SPOCK3: variants seen among roughly 807,000 people sequenced by gnomAD.
The protein encoded by SPOCK3 is SPARC (osteonectin), cwcv and kazal like domains proteoglycan 3, also known as testican-3.
Under a neutral mutation model 56.6 loss-of-function variants are expected in SPOCK3, and 30 were observed. The observed-to-expected ratio is 0.53, with a 90% CI of 0.40 to 0.72. SPOCK3 has a LOEUF of 0.72. Among genes scored for constraint, SPOCK3 ranks in the 30% least tolerant of loss-of-function variants. SPOCK3 has a pLI of 0.00. For missense variants in SPOCK3, 527 were observed against 530.0 expected (o/e 0.99, Z 0.06); for synonymous variants, 196 against 183.3 (o/e 1.07, Z -0.56).
chr4:166,922,538 C>A (rs1048635281), intron 4 of SPOCK3, among the ~76,000 whole-genome samples: 1 of 152,146 alleles, frequency 6.6e-6, no homozygotes. Context: ...TATACTCACA[C>A]TCCCCTAATT....
intron 3 of SPOCK3, among the ~76,000 whole-genome samples, chr4:167,058,591 A>G (rs1755187352): frequency 6.6e-6 from 1 of 152,182 alleles, no homozygotes; most frequent in Admixed American, 6.5e-5. Flanking sequence ...TAATTTATAG[A>G]TTCAATGCCA....
intron 4 of SPOCK3, among the ~76,000 whole-genome samples, chr4:166,980,253 T>C (rs1452963926): frequency 6.6e-6 from 1 of 152,258 alleles, no homozygotes; most frequent in African/African-American, 2.4e-5. Flanking sequence ...TATTCATTAA[T>C]GTATCTGGCA....
At chr4:166,840,804 A>G (rs1438090848) in intron 6 of SPOCK3, among the ~76,000 whole-genome samples, 5 of 82,964 alleles carry the variant, frequency 6.0e-5, no homozygotes, top group African/African-American at 2.5e-4. Flanking sequence ...TTTTAGATGC[A>G]GTCTCGCTCT....
chr4:166,945,205 C>T (rs983917006), intron 4 of SPOCK3, among the ~76,000 whole-genome samples: 13 of 152,036 alleles, frequency 8.6e-5, no homozygotes, highest in Admixed American at 6.6e-4. Flanking sequence ...ACCTATGAAC[C>T]AGGTATACTC....
chr4:167,028,928 C>T lies in SPOCK3; in HGVS notation c.236-28465G>A, dbSNP rs142300682. The stretch of plus-strand genomic sequence containing the variant: ...TCTTAGCAATCTTTTTTCTTCAATG[C>T]TTATTTTAAGTTCTGGGGTACATGT... On this transcript the variant is annotated intron_variant, in intron 3 of 10. Transcript: ENST00000357545. Among the ~76,000 whole-genome samples, 43 of 152,038 alleles carry T rather than the reference C, an allele frequency of 2.8e-4. 1 individual carries two copies. The highest frequency in any genetic ancestry group is 8.9e-4 in the African/African-American group (37 of 41,504).
At chr4:167,174,119 G>T (rs972800810) in intron 2 of SPOCK3, among the ~76,000 whole-genome samples, 1 of 151,876 alleles carries the variant, frequency 6.6e-6, no homozygotes, top group Non-Finnish European at 1.5e-5. Context: ...ATTTATGCAA[G>T]AACACATGGA....
chr4:166,889,194 T>A lies in SPOCK3; in HGVS notation c.525A>T (p.Lys175Asn). The A allele has an allele frequency of 1.2e-6, 2 of 1,612,264 alleles. No homozygotes were observed. The highest frequency in any genetic ancestry group is 1.7e-6 in the Non-Finnish European group (2 of 1,178,796). Residue 175 changes from lysine to asparagine, a missense_variant, in exon 6 of 11, where the codon AAA becomes AAT. Transcript: ENST00000357545. ...ACVLGKQISV[K>N]CEGHCPCPSD... ...AAGGACATGGGCAATGTCCTTCACA[T>A]TTGACTGAGATCTGTTTTCCTAAGA...
At chr4:167,112,654 G>A (rs145161626) in intron 2 of SPOCK3, among the ~76,000 whole-genome samples, 255 of 152,008 alleles carry the variant, frequency 1.7e-3, no homozygotes, top group Non-Finnish European at 3.1e-3. Context: ...GTTCCATTAT[G>A]GACCTGGTTT....
rs368885628 is a variant in SPOCK3, at chr4:166,977,704, T to C, written c.350+22645A>G. On this transcript the variant is annotated intron_variant, in intron 4 of 10. Transcript: ENST00000357545. ...GAATGAGCATTCTAGAGTAAGTCAT[T>C]TAAACCTAATGCTTCTTAAATGATT... 2.0e-5 allele frequency among the ~76,000 whole-genome samples: 3 copies of C among 152,236 alleles called. No homozygotes were observed. The Middle Eastern group carries it at 0.01, about 518-fold the overall frequency.
intron 3 of SPOCK3, among the ~76,000 whole-genome samples, chr4:167,008,689 C>A (rs1469039873): frequency 6.6e-6 from 1 of 152,022 alleles, no homozygotes; most frequent in Non-Finnish European, 1.5e-5. Flanking sequence ...TCCTTTGCCG[C>A]AACATGGATA....
intron 6 of SPOCK3, among the ~76,000 whole-genome samples, chr4:166,798,959 T>C (rs1206432447): frequency 6.6e-6 from 1 of 152,188 alleles, no homozygotes; most frequent in African/African-American, 2.4e-5. Flanking sequence ...GAAAACTCCC[T>C]ATTCTGGAAA....
intron 4 of SPOCK3, among the ~76,000 whole-genome samples, chr4:166,916,310 C>T (rs1737844896): frequency 6.6e-6 from 1 of 151,908 alleles, no homozygotes; most frequent in Non-Finnish European, 1.5e-5. Context: ...GGAATTCATA[C>T]TATTGCTAGC....
intron 4 of SPOCK3, among the ~76,000 whole-genome samples, chr4:166,921,510 G>C (rs1259194593): frequency 6.6e-6 from 1 of 151,970 alleles, no homozygotes; most frequent in Admixed American, 6.6e-5. Flanking sequence ...AGAGACAGGG[G>C]TTTCACCATG....
chr4:166,868,579 A>C (rs926880855), intron 6 of SPOCK3, among the ~76,000 whole-genome samples: 2 of 152,306 alleles, frequency 1.3e-5, no homozygotes, highest in African/African-American at 4.8e-5. Context: ...TCTCAGGAGG[A>C]TGACCATAGT....
chr4:167,226,818 A>C (rs949292028), intron 2 of SPOCK3, among the ~76,000 whole-genome samples: 2 of 152,108 alleles, frequency 1.3e-5, no homozygotes, highest in Non-Finnish European at 2.9e-5. Flanking sequence ...CTGAAAGCCC[A>C]GGCCTGGACA....
intron 2 of SPOCK3, among the ~76,000 whole-genome samples, chr4:167,126,037 C>A (rs978363298): frequency 6.6e-6 from 1 of 152,164 alleles, no homozygotes; most frequent in African/African-American, 2.4e-5. Flanking sequence ...ACAAAATACA[C>A]CTAACCACAA....
At chr4:166,952,646 A>T (rs1423115487) in intron 4 of SPOCK3, among the ~76,000 whole-genome samples, 1 of 152,208 alleles carries the variant, frequency 6.6e-6, no homozygotes, top group East Asian at 1.9e-4. Context: ...AGTCAAAAGA[A>T]CAAAGCTGGA....
chr4:167,011,502 A>G (rs1442967468), intron 3 of SPOCK3, among the ~76,000 whole-genome samples: 2 of 152,296 alleles, frequency 1.3e-5, no homozygotes, highest in East Asian at 1.9e-4. Context: ...ACATTTTTCA[A>G]TATGCAAATG....
intron 3 of SPOCK3, among the ~76,000 whole-genome samples, chr4:167,058,565 G>A (rs1375552012): frequency 6.6e-6 from 1 of 152,094 alleles, no homozygotes; most frequent in East Asian, 1.9e-4. Context: ...CATGAAAATG[G>A]CCATACTGCC....
Sources: allele counts gnomAD v4.1 joint callset (sites outside exome capture counted in the v4.1 genomes callset), GRCh38; gene constraint gnomAD v4.1.1; transcripts MANE v1.5; gene names NCBI Gene and HGNC (gene_info 2026-07-23, HGNC 2026-07-21).